Variants in SCFD2 observed in about 807,000 individuals in gnomAD.
SCFD2 encodes the protein sec1 family domain containing 2, also known as sec1 family domain-containing protein 2.
A neutral mutation model predicts 58.9 loss-of-function variants in SCFD2; 54 were observed. The ratio of observed to expected loss-of-function variants is 0.92; its 90% CI spans 0.74 to 1.15. The LOEUF is 1.15. Among genes scored for constraint, SCFD2 ranks in the 50% most tolerant of loss-of-function variants. SCFD2 has a pLI of 0.00. For synonymous variants in SCFD2, 321 were observed against 335.9 expected, an observed-to-expected ratio of 0.96 and a Z score of 0.49; for missense variants, 805 against 836.6, an observed-to-expected ratio of 0.96 and a Z score of 0.47.
At chr4:53,105,291 GT>G (rs1317251570) in intron 5 of SCFD2, among the ~76,000 whole-genome samples, 1 of 151,798 alleles carries the variant, frequency 6.6e-6, no homozygotes, top group African/African-American at 2.4e-5. Flanking sequence ...AGCTTTAGGA[GT>G]TTTTTTTCAT....
intron 5 of SCFD2, among the ~76,000 whole-genome samples, chr4:53,067,236 T>A (rs1723687348): frequency 6.6e-6 from 1 of 151,974 alleles, no homozygotes; most frequent in Non-Finnish European, 1.5e-5. Context: ...GGGATGGAGA[T>A]CTCAACCCTG....
intron 5 of SCFD2, among the ~76,000 whole-genome samples, chr4:53,090,573 C>T (rs1482936596): frequency 6.6e-6 from 1 of 152,178 alleles, no homozygotes; most frequent in Non-Finnish European, 1.5e-5. Context: ...AAAATATCCA[C>T]AGTATGTGAC....
intron 5 of SCFD2, among the ~76,000 whole-genome samples, chr4:53,095,434 T>G (rs1470846962): frequency 6.6e-6 from 1 of 152,106 alleles, no homozygotes; most frequent in African/African-American, 2.4e-5. Context: ...TAATCTGATC[T>G]CTTTTTACCT....
intron 5 of SCFD2, among the ~76,000 whole-genome samples, chr4:53,094,780 T>G (rs1724570281): frequency 6.6e-6 from 1 of 152,252 alleles, no homozygotes; most frequent in South Asian, 2.1e-4. Context: ...GGGTCTCCTT[T>G]ACAGCATAAG....
At chr4:53,277,791 G>A (rs568159631) in intron 3 of SCFD2, among the ~76,000 whole-genome samples, 1 of 152,210 alleles carries the variant, frequency 6.6e-6, no homozygotes, top group African/African-American at 2.4e-5. Context: ...GGTGGCTCAC[G>A]CCTGTAATCG....
At chr4:53,135,744 A>T (rs1725917880) in intron 5 of SCFD2, among the ~76,000 whole-genome samples, 1 of 152,116 alleles carries the variant, frequency 6.6e-6, no homozygotes, top group Admixed American at 6.5e-5. Context: ...CCATCTCAAA[A>T]AAAAAAAGAG....
intron 5 of SCFD2, among the ~76,000 whole-genome samples, chr4:53,010,350 T>TA (rs1303083058): frequency 6.6e-6 from 1 of 152,132 alleles, no homozygotes; most frequent in African/African-American, 2.4e-5. Context: ...TTCTTCAAGA[T>TA]ACGACAAAAA....
At chr4:53,115,101 A>G (rs1658095874) in intron 5 of SCFD2, among the ~76,000 whole-genome samples, 1 of 152,126 alleles carries the variant, frequency 6.6e-6, no homozygotes, top group Admixed American at 6.6e-5. Context: ...TAATCAGAAA[A>G]CAAATTATAA....
chr4:53,277,908 T>C (rs776028419), intron 3 of SCFD2, among the ~76,000 whole-genome samples: 3 of 151,370 alleles, frequency 2.0e-5, no homozygotes, highest in Admixed American at 6.6e-5. Context: ...AAAAAATTAG[T>C]TGGGCTTGGT....
At chr4:53,177,952 G>T (rs1727395677) in intron 4 of SCFD2, among the ~76,000 whole-genome samples, 1 of 152,330 alleles carries the variant, frequency 6.6e-6, no homozygotes, top group East Asian at 1.9e-4. Context: ...GCAAGGCTGG[G>T]GGAGGGGCGC....
chr4:53,333,286 C>T (rs1001684838), intron 2 of SCFD2, among the ~76,000 whole-genome samples: 4 of 149,818 alleles, frequency 2.7e-5, no homozygotes, highest in Non-Finnish European at 4.4e-5. Flanking sequence ...AGCCCGCCAT[C>T]GCCAAGGCAA....
intron 7 of SCFD2, among the ~76,000 whole-genome samples, chr4:52,887,464 G>A (rs192665769): frequency 6.5e-4 from 99 of 152,318 alleles, no homozygotes; most frequent in Non-Finnish European, 1.3e-3. Flanking sequence ...GGGACAAGAA[G>A]GGATTCCTGA....
At chr4:52,899,072 C>T (rs1005564998) in intron 7 of SCFD2, among the ~76,000 whole-genome samples, 6 of 152,204 alleles carry the variant, frequency 3.9e-5, no homozygotes, top group African/African-American at 1.4e-4. Context: ...TTCCTGAATA[C>T]AGCACACTGA....
intron 3 of SCFD2, among the ~76,000 whole-genome samples, chr4:53,277,059 A>G (rs539787259): frequency 6.6e-6 from 1 of 152,152 alleles, no homozygotes; most frequent in South Asian, 2.1e-4. Context: ...ATTCACTTTT[A>G]TTGATTCATT....
In SCFD2 at chr4:53,246,460, C is replaced by T. The variant is rs141197636; in HGVS notation, c.1311+27366G>A. On this transcript the variant is annotated intron_variant, in intron 4 of 8. Transcript: ENST00000401642. ...AACTTTAAACTATACTATAAGGCTACAGTAACCAAAACAGCATGGTACTAG... is the reference window on the plus strand; with the variant it reads ...AACTTTAAACTATACTATAAGGCTATAGTAACCAAAACAGCATGGTACTAG... Among the ~76,000 whole-genome samples the T allele has an allele frequency of 2.5e-3, 383 of 152,292 alleles. 1 individual carries two copies. Among genetic ancestry groups the T allele is most frequent in the African/African-American group, 8.5e-3 (354 of 41,566 alleles).
chr4:53,260,007 G>A (rs1422014350), intron 4 of SCFD2, among the ~76,000 whole-genome samples: 1 of 142,424 alleles, frequency 7.0e-6, no homozygotes, highest in Non-Finnish European at 1.5e-5. Flanking sequence ...TTCTTGATTT[G>A]CTTCTCAGCT....
rs114160043 is a variant in SCFD2 at position 53,242,220 on chromosome 4, C to T, written c.1311+31606G>A. Among the ~76,000 whole-genome samples the T allele has an allele frequency of 5.3e-3, 810 of 152,316 alleles. 8 individuals carry two copies. Among genetic ancestry groups the T allele is most frequent in the African/African-American group, 0.018 (749 of 41,576 alleles). On this transcript the variant is annotated intron_variant, in intron 4 of 8. Transcript: ENST00000401642. ...AGACTATGAAGTGCATTGGCTGACA[C>T]CACCCATCAGAGTGTTGTGACCAGC... is the stretch of plus-strand genomic sequence containing the variant.
intron 3 of SCFD2, among the ~76,000 whole-genome samples, chr4:53,306,531 T>C (rs1401313432): frequency 6.6e-6 from 1 of 152,236 alleles, no homozygotes. Flanking sequence ...TCTGCCTCTT[T>C]CTATTGAAAA....
At chr4:53,196,874 G>A (rs1222458107) in intron 4 of SCFD2, among the ~76,000 whole-genome samples, 1 of 151,998 alleles carries the variant, frequency 6.6e-6, no homozygotes, top group Non-Finnish European at 1.5e-5. Context: ...GAGACAGCTA[G>A]ATTTAAGACT....
Sources: allele counts gnomAD v4.1 joint callset (sites outside exome capture counted in the v4.1 genomes callset), GRCh38; gene constraint gnomAD v4.1.1; transcripts MANE v1.5; gene names NCBI Gene and HGNC (gene_info 2026-07-23, HGNC 2026-07-21).